SLC26A8: variants seen among roughly 807,000 people sequenced by gnomAD.
SLC26A8 encodes the protein testis anion transporter 1.
In SLC26A8, 70 loss-of-function variants were observed where a neutral mutation model predicts 105.0. The ratio of observed to expected loss-of-function variants is 0.67; its 90% CI spans 0.55 to 0.81. The LOEUF (loss-of-function observed/expected upper bound fraction) is 0.81. Ranked by LOEUF, SLC26A8 falls within the 40% of genes least tolerant of loss-of-function variation. The pLI is 0.00. For missense variants in SLC26A8, 998 were observed against 1,181.8 expected (o/e 0.84, Z 2.28); for synonymous variants, 415 against 438.3 (o/e 0.95, Z 0.66).
At chr6:35,982,405 G>C (rs963076842) in intron 7 of SLC26A8, among the ~76,000 whole-genome samples, 1 of 152,174 alleles carries the variant, frequency 6.6e-6, no homozygotes, top group Non-Finnish European at 1.5e-5. Flanking sequence ...TGTTTCTTTT[G>C]GTTCTCTAAG....
At chr6:36,003,957 G>T (rs532583584) in intron 3 of SLC26A8, among the ~76,000 whole-genome samples, 1 of 151,664 alleles carries the variant, frequency 6.6e-6, no homozygotes, top group Admixed American at 6.6e-5. Flanking sequence ...CACCATGCCC[G>T]GCCTATTTCT....
chr6:35,979,160 T>C (rs1773169198), intron 8 of SLC26A8, among the ~76,000 whole-genome samples: 1 of 151,622 alleles, frequency 6.6e-6, no homozygotes, highest in Non-Finnish European at 1.5e-5. Flanking sequence ...CCCTACTATG[T>C]ATATTTTAAT....
chr6:35,956,813 G>C (rs776362620), intron 16 of SLC26A8, among the ~76,000 whole-genome samples: 13 of 152,002 alleles, frequency 8.6e-5, no homozygotes, highest in Non-Finnish European at 1.8e-4. Context: ...CAGCTACTTA[G>C]GAGGCTGAGG....
chr6:35,960,845 C>T lies in SLC26A8; in HGVS notation c.1636G>A (p.Glu546Lys). The T allele has an allele frequency of 6.2e-7, 1 of 1,614,102 alleles. No individual in the cohort carries two copies. Among genetic ancestry groups the T allele is most frequent in the Non-Finnish European group, 8.5e-7 (1 of 1,179,982 alleles). The change falls in exon 14 of 20, where the codon GAG becomes AAG. Residue 546 changes from glutamate (E) to lysine (K), a missense_variant and splice_region_variant. Coordinates refer to ENST00000490799, the MANE Select transcript of SLC26A8 (RefSeq NM_052961.4). ...ATGGGACCCATTTGGATTCTTACCT[C>T]CCGATAATCATTGATGCTTCTATAA... is the stretch of plus-strand genomic sequence containing the variant. ...NIYRSINDYR[E>K]IITIPGVKIF... is the part of the protein sequence containing the mutation.
intron 19 of SLC26A8, among the ~76,000 whole-genome samples, chr6:35,949,049 A>T (rs1325777389): frequency 6.6e-6 from 1 of 152,204 alleles, no homozygotes; most frequent in Non-Finnish European, 1.5e-5. Context: ...ATTATTTACA[A>T]ATTACCCAGT....
chr6:35,985,691 T>TG (rs1181129742), intron 7 of SLC26A8, among the ~76,000 whole-genome samples: 3 of 56,314 alleles, frequency 5.3e-5, no homozygotes, highest in Non-Finnish European at 9.1e-5. Flanking sequence ...AGACTCCGTC[T>TG]CAAAAAAAAA....
In SLC26A8 at chr6:35,993,894, G is replaced by A. The variant is rs915211684; in HGVS notation, c.628-1220C>T. ...AAAAATAAAAAACAAAAAGAGGGTAGGTTAAGAAAACTGGCACAGCCCAAT... is the reference window on the plus strand; with the variant it reads ...AAAAATAAAAAACAAAAAGAGGGTAAGTTAAGAAAACTGGCACAGCCCAAT... On this transcript the variant is annotated intron_variant, in intron 5 of 19. Transcript: ENST00000490799. Among the ~76,000 whole-genome samples the A allele has an allele frequency of 1.8e-4, 27 of 151,890 alleles. 1 individual carries two copies.
At chr6:35,953,723 T>C (rs1201484725) in intron 17 of SLC26A8, among the ~76,000 whole-genome samples, 3 of 152,228 alleles carry the variant, frequency 2.0e-5, no homozygotes, top group African/African-American at 7.2e-5. Flanking sequence ...CTTCCAAACC[T>C]CTCATTTTGT....
chr6:36,019,425 A>C (rs932373794), intron 2 of SLC26A8, 95 bp downstream of exon 2: 1 of 1,276,344 alleles, frequency 7.8e-7, no homozygotes, highest in Non-Finnish European at 1.1e-6. Context: ...TGATTACAGG[A>C]ACTCAGACAA....
intron 11 of SLC26A8, among the ~76,000 whole-genome samples, chr6:35,965,910 G>A (rs754196649): frequency 3.2e-4 from 48 of 149,516 alleles, no homozygotes; most frequent in Non-Finnish European, 8.9e-5. Context: ...AAAATTGCTT[G>A]AACCTGGGAG....
chr6:35,985,657 C>A (rs1344685675), intron 7 of SLC26A8, among the ~76,000 whole-genome samples: 1 of 138,226 alleles, frequency 7.2e-6, no homozygotes, highest in African/African-American at 2.8e-5. Context: ...TGCGCCACTG[C>A]ACTCCAGCCT....
chr6:35,953,516 G>A (rs1308112494), intron 17 of SLC26A8, among the ~76,000 whole-genome samples: 4 of 152,158 alleles, frequency 2.6e-5, no homozygotes, highest in South Asian at 2.1e-4. Context: ...GCTCAGTCTG[G>A]CACGTAGTAG....
chr6:35,947,788 G>A (rs572474317), intron 19 of SLC26A8, among the ~76,000 whole-genome samples: 3 of 152,156 alleles, frequency 2.0e-5, no homozygotes, highest in South Asian at 4.1e-4. Flanking sequence ...AATATTAGCT[G>A]GGCATAGTGG....
chr6:35,981,986 G>C lies in SLC26A8; in HGVS notation c.1025+135C>G, dbSNP rs753357337. 3.1e-4 allele frequency: 249 copies of C among 813,262 alleles called. No individual in the cohort carries two copies. The highest frequency in any genetic ancestry group is 4.6e-4 in the Non-Finnish European group (234 of 505,856). The allele number at this position is 813,262 out of a possible 1,614,324, so 50.4% of individuals were successfully genotyped here. On this transcript the variant is annotated intron_variant, in intron 8 of 19. Transcript: ENST00000490799. The surrounding 1 kb of genome is among the most constrained non-coding windows in gnomAD (Gnocchi z 4.0). Reference sequence around the variant, plus strand: ...TTGTCCCTAGCCCTTCTCCTTTCATGAACCTCTGTGTTCAAAAATGAATTT... The same window carrying C: ...TTGTCCCTAGCCCTTCTCCTTTCATCAACCTCTGTGTTCAAAAATGAATTT...
intron 2 of SLC26A8, among the ~76,000 whole-genome samples, chr6:36,014,811 A>C (rs1761952955): frequency 6.6e-6 from 1 of 152,094 alleles, no homozygotes. Flanking sequence ...GGTTGCAGTG[A>C]GCTGAGACAG....
At chr6:36,006,723 C>T (rs1192643939) in intron 3 of SLC26A8, among the ~76,000 whole-genome samples, 1 of 152,088 alleles carries the variant, frequency 6.6e-6, no homozygotes, top group Non-Finnish European at 1.5e-5. Context: ...ACAAATGGGC[C>T]ATTTTGGTTG....
chr6:35,997,850 A>AGTTG lies in SLC26A8; in HGVS notation c.511_514dup (p.Leu172ProfsTer11), dbSNP rs753112517. The AGTTG allele has an allele frequency of 1.2e-6, 2 of 1,614,160 alleles. No individual in the cohort carries two copies. The highest frequency in any genetic ancestry group is 8.5e-7 in the Non-Finnish European group (1 of 1,180,006). On this transcript the variant is annotated frameshift_variant, in exon 5 of 20. Transcript: ENST00000490799. LOFTEE classifies it high-confidence loss of function. ...ATTCTTGACGAAAGATCCCATGACCAGTTGACCGTTGTTGAATGGGCTCAC... is the reference window on the plus strand; with the variant it reads ...ATTCTTGACGAAAGATCCCATGACCAGTTGGTTGACCGTTGTTGAATGGGCTCAC...
At chr6:35,999,387 T>C (rs1283624017) in intron 4 of SLC26A8, among the ~76,000 whole-genome samples, 4 of 152,134 alleles carry the variant, frequency 2.6e-5, no homozygotes, top group African/African-American at 9.7e-5. Flanking sequence ...TCTAAACTTA[T>C]GGGGGAATTT....
chr6:35,976,550 C>CTTTTTTTTTTT (rs371327114), intron 9 of SLC26A8, among the ~76,000 whole-genome samples: 1,501 of 129,986 alleles, frequency 0.012, 92 homozygotes, highest in African/African-American at 0.043. Flanking sequence ...GAAGCCCTCG[C>CTTTTTTTTTTT]TTTTTTTTTT....
Sources: gnomAD v4.1 joint callset for allele counts (sites outside exome capture counted in the v4.1 genomes callset) on GRCh38, gnomAD v4.1.1 for gene constraint, Gnocchi (gnomAD v3.1) non-coding constraint, MANE v1.5 for transcripts, NCBI Gene and HGNC (gene_info 2026-07-23, HGNC 2026-07-21) for gene names.